The following NXPH4 variants were observed in gnomAD, a reference collection of about 807,000 sequenced individuals.
NXPH4 encodes the protein neurexophilin-4.
Under a neutral mutation model 21.3 loss-of-function variants are expected in NXPH4, and 8 were observed. That is an observed-to-expected ratio of 0.38 (90% CI 0.22 to 0.68). The LOEUF (loss-of-function observed/expected upper bound fraction) is 0.68, where lower values mean the gene tolerates loss of function less well. Ranked by LOEUF, NXPH4 falls within the 30% of genes least tolerant of loss-of-function variation. The probability of loss-of-function intolerance (pLI) is 0.53; values close to 1 mark genes in which losing one functional copy is unlikely to be tolerated. For missense variants in NXPH4, 418 were observed against 416.8 expected (o/e 1.00, Z -0.03); for synonymous variants, 219 against 192.6 (o/e 1.14, Z -1.13).
Position 57,216,986 on chromosome 12 carries a change from A to G in NXPH4, c.17A>G (p.Glu6Gly). The G allele has an allele frequency of 1.2e-6, 2 of 1,602,968 alleles. No homozygotes were observed. The highest frequency in any genetic ancestry group is 3.4e-5 in the Admixed American group (2 of 59,288). MRLLPEWFLLLFGPWL... is the reference protein window; with the variant it reads MRLLPGWFLLLFGPWL... ...CCAGAGAAGATGCGGCTGCTCCCGG[A>G]ATGGTTCCTCTTGCTCTTTGGCCCG... The change falls in exon 1 of 2, where the codon GAA becomes GGA. Residue 6 changes from glutamate (E) to glycine (G), a missense_variant. Transcript: ENST00000349394. The surrounding 1 kb of genome is among the most constrained non-coding windows in gnomAD (Gnocchi z 5.3).
chr12:57,216,883 G>C lies in NXPH4; in HGVS notation c.-87G>C. On this transcript the variant is annotated 5_prime_UTR_variant, in exon 1 of 2. Coordinates refer to ENST00000349394, the MANE Select transcript of NXPH4 (RefSeq NM_007224.4). The surrounding 1 kb of genome is among the most constrained non-coding windows in gnomAD (Gnocchi z 5.3). ...CTCCCGCCGCTCCCGCAGCCGCCCCGCCGCCCGCCCGGAGCCCCGCGTCCC... is the reference window on the plus strand; with the variant it reads ...CTCCCGCCGCTCCCGCAGCCGCCCCCCCGCCCGCCCGGAGCCCCGCGTCCC... 23 of 807,920 alleles carry C rather than the reference G, an allele frequency of 2.8e-5. No homozygotes were observed. Among genetic ancestry groups the C allele is most frequent in the South Asian group, 4.5e-5 (1 of 22,094 alleles). 50.0% of individuals were successfully genotyped at this position (807,920 alleles called of 1,614,324 possible). A position where few individuals can be genotyped will look rare whatever the true frequency, so the allele number is the denominator to read the frequency against.
chr12:57,217,607 C>T (rs1319064286), intron 1 of NXPH4, among the ~76,000 whole-genome samples: 1 of 152,184 alleles, frequency 6.6e-6, no homozygotes, highest in East Asian at 1.9e-4. Context: ...ACCTCACAGA[C>T]ACACCCCCCT....
Position 57,226,064 on chromosome 12 carries a change from G to T in NXPH4, c.*317G>T. The T allele has an allele frequency of 1.6e-6, 1 of 638,290 alleles. No homozygotes were observed. Among genetic ancestry groups the T allele is most frequent in the Non-Finnish European group, 2.5e-6 (1 of 407,062 alleles). 39.5% of individuals were successfully genotyped at this position (638,290 alleles called of 1,614,324 possible). On this transcript the variant is annotated 3_prime_UTR_variant, in exon 2 of 2. Transcript: ENST00000349394. The stretch of plus-strand genomic sequence containing the variant: ...AGTGGGTCCCCTTTTCACCCTTGGC[G>T]CTAGGCTGCGCACTCCCTTTCCCCG...
chr12:57,217,904 G>A (rs1201652007), intron 1 of NXPH4, among the ~76,000 whole-genome samples: 2 of 152,242 alleles, frequency 1.3e-5, no homozygotes, highest in Non-Finnish European at 2.9e-5. Context: ...GAGGGTACAT[G>A]TGTATACTGG....
intron 1 of NXPH4, among the ~76,000 whole-genome samples, chr12:57,224,413 C>T (rs758990849): frequency 2.0e-4 from 31 of 152,324 alleles, no homozygotes; most frequent in Non-Finnish European, 4.0e-4. Flanking sequence ...TGAGTCACCG[C>T]GTGTGCCGGG....
At position 57,225,515 on chromosome 12, in the gene NXPH4, A is replaced by G. The variant is rs1194115540; in HGVS notation, c.695A>G (p.Asn232Ser). Residue 232 changes from asparagine to serine, a missense_variant, in exon 2 of 2, where the codon AAT becomes AGT. Coordinates refer to ENST00000349394, the MANE Select transcript of NXPH4 (RefSeq NM_007224.4). ...VPGAKESRAF[N>S]CHVEYEKTNR... is the part of the protein sequence containing the mutation. ...GGGGCCAAAGAGTCACGCGCTTTCA[A>G]TTGCCACGTGGAGTATGAGAAGACA... 1.2e-6 allele frequency: 2 copies of G among 1,612,180 alleles called. No individual in the cohort carries two copies. The highest frequency in any genetic ancestry group is 8.5e-7 in the Non-Finnish European group (1 of 1,179,826).
At chr12:57,224,099 C>G (rs1310639517) in intron 1 of NXPH4, among the ~76,000 whole-genome samples, 1 of 152,094 alleles carries the variant, frequency 6.6e-6, no homozygotes, top group African/African-American at 2.4e-5. Flanking sequence ...CTTTCTTTTT[C>G]TTTTTCTTTT....
chr12:57,222,555 G>A (rs534101957), intron 1 of NXPH4, among the ~76,000 whole-genome samples: 97 of 152,164 alleles, frequency 6.4e-4, no homozygotes, highest in Non-Finnish European at 1.3e-4. Flanking sequence ...AAAGAACAGC[G>A]GTTGGGTGAG....
intron 1 of NXPH4, among the ~76,000 whole-genome samples, chr12:57,224,421 G>A (rs1225092594): frequency 1.3e-5 from 2 of 152,158 alleles, no homozygotes; most frequent in South Asian, 2.1e-4. Context: ...CGCGTGTGCC[G>A]GGCGGGAGCC....
intron 1 of NXPH4, among the ~76,000 whole-genome samples, chr12:57,224,287 G>A (rs370920132): frequency 4.6e-5 from 7 of 151,536 alleles, no homozygotes; most frequent in Non-Finnish European, 8.8e-5. Context: ...CAGAACGCCC[G>A]CCTAATTTTA....
At chr12:57,224,770 TC>T in intron 1 of NXPH4, 107 bp from the exon 2 acceptor site, 1 of 463,344 alleles carries the variant, frequency 2.2e-6, no homozygotes, top group African/African-American at 2.0e-5. Flanking sequence ...ACTGCGTGAT[TC>T]CATTTGGTCT....
Position 57,225,092 on chromosome 12 carries a change from C to A in NXPH4, c.272C>A (p.Thr91Asn). The A allele has an allele frequency of 6.7e-7, 1 of 1,490,764 alleles. No homozygotes were observed. Among genetic ancestry groups the A allele is most frequent in the Admixed American group, 2.4e-5 (1 of 41,378 alleles). 92.3% of individuals were successfully genotyped at this position (1,490,764 alleles called of 1,614,324 possible). A position where few individuals can be genotyped will look rare whatever the true frequency, so the allele number is the denominator to read the frequency against. The change falls in exon 2 of 2, where the codon ACC becomes AAC. Residue 91 changes from threonine (T) to asparagine (N), a missense_variant. Transcript: ENST00000349394. Reference protein sequence around the residue: ...GAAGALPAQRTKRKPSIKAAR... With the variant: ...GAAGALPAQRNKRKPSIKAAR... ...GCCGGGGCGTTGCCCGCGCAGCGCA[C>A]CAAGAGGAAGCCGTCCATCAAGGCG... is the stretch of plus-strand genomic sequence containing the variant.
chr12:57,218,642 A>T (rs549188156), intron 1 of NXPH4, among the ~76,000 whole-genome samples: 1 of 152,336 alleles, frequency 6.6e-6, no homozygotes, highest in South Asian at 2.1e-4. Flanking sequence ...GCGTGAGGAT[A>T]TGAGCAATGG....
Position 57,226,386 on chromosome 12 carries a change from G to C in NXPH4, c.*639G>C, listed in dbSNP as rs1287636528. The C allele has an allele frequency of 5.8e-6, 1 of 173,630 alleles. No individual in the cohort carries two copies. The highest frequency in any genetic ancestry group is 1.2e-5 in the Non-Finnish European group (1 of 84,908). The allele number at this position is 173,630 out of a possible 1,614,324, so 10.8% of individuals were successfully genotyped here. On this transcript the variant is annotated 3_prime_UTR_variant, in exon 2 of 2. Transcript: ENST00000349394. ...CTGCCCTCTCCTGCTGCTTCCTCTC[G>C]GTGATATTTTTTCTACGCCAAAACA...
At chr12:57,220,912 C>A (rs2037085064) in intron 1 of NXPH4, among the ~76,000 whole-genome samples, 1 of 152,134 alleles carries the variant, frequency 6.6e-6, no homozygotes, top group Non-Finnish European at 1.5e-5. Context: ...TGCCTGTCCC[C>A]TGTGCTTATC....
Position 57,225,056 on chromosome 12 carries a change from G to C in NXPH4, c.236G>C (p.Arg79Pro). ...WPTNHTGALARAGAAGALPAQ... is the reference protein window; with the variant it reads ...WPTNHTGALAPAGAAGALPAQ... ...ACCAACCACACGGGGGCGCTGGCCC[G>C]GGCAGGGGCAGCCGGGGCGTTGCCC... Residue 79 changes from arginine (R) to proline (P), a missense_variant, in exon 2 of 2, where the codon CGG becomes CCG. Transcript: ENST00000349394. 1 of 1,477,044 alleles carries C rather than the reference G, an allele frequency of 6.8e-7. No individual in the cohort carries two copies. Among genetic ancestry groups the C allele is most frequent in the Admixed American group, 2.5e-5 (1 of 40,252 alleles). The allele number at this position is 1,477,044 out of a possible 1,614,324, so 91.5% of individuals were successfully genotyped here.
At position 57,225,477 on chromosome 12, in the gene NXPH4, G is replaced by C; in HGVS notation, c.657G>C (p.Ala219=). Residue 219 remains alanine, a synonymous_variant, in exon 2 of 2, where the codon GCG becomes GCC. Coordinates refer to ENST00000349394, the MANE Select transcript of NXPH4 (RefSeq NM_007224.4). ...CACTGGCGGGGCCGCTTGGGGGCGC[G>C]TTGGGAGTGCCTGGGGCCAAAGAGT... ...GGALAGPLGG[A]LGVPGAKESR... is the part of the protein sequence containing the mutation. 6.2e-7 allele frequency: 1 copy of C among 1,601,730 alleles called. No homozygotes were observed. Among genetic ancestry groups the C allele is most frequent in the Non-Finnish European group, 8.5e-7 (1 of 1,175,572 alleles).
intron 1 of NXPH4, among the ~76,000 whole-genome samples, chr12:57,223,683 G>A (rs764154784): frequency 1.3e-5 from 2 of 152,202 alleles, no homozygotes; most frequent in Non-Finnish European, 2.9e-5. Context: ...CTCCTCTCTT[G>A]CCTGCTCCCC....
At chr12:57,220,455 GAAATA>G (rs138224994) in intron 1 of NXPH4, among the ~76,000 whole-genome samples, 115,855 of 151,202 alleles carry the variant, frequency 0.77, 47,414 homozygotes, top group Non-Finnish European at 0.91. Flanking sequence ...AGGAAGCAGG[GAAATA>G]AAATAAAATA....
Sources: gnomAD v4.1 joint callset for allele counts (sites outside exome capture counted in the v4.1 genomes callset) on GRCh38, gnomAD v4.1.1 for gene constraint, Gnocchi (gnomAD v3.1) non-coding constraint, MANE v1.5 for transcripts, NCBI Gene and HGNC (gene_info 2026-07-23, HGNC 2026-07-21) for gene names.